The following RPTOR variants were observed in gnomAD, a reference collection of about 807,000 sequenced individuals.
RPTOR encodes regulatory associated protein of MTOR complex 1, also known as regulatory-associated protein of mTOR.
Under a neutral mutation model 169.9 loss-of-function variants are expected in RPTOR, and 21 were observed. The ratio of observed to expected loss-of-function variants is 0.12; its 90% CI spans 0.09 to 0.18. RPTOR has a LOEUF of 0.18. RPTOR is among the 10% of genes least tolerant of loss of function. RPTOR has a pLI of 1.00. For synonymous variants in RPTOR, 732 were observed against 753.2 expected, an observed-to-expected ratio of 0.97 and a Z score of 0.46; for missense variants, 1,133 against 1,855.9, an observed-to-expected ratio of 0.61 and a Z score of 7.16.
intron 1 of RPTOR, among the ~76,000 whole-genome samples, chr17:80,589,322 G>T (rs752029683): frequency 6.6e-6 from 1 of 152,004 alleles, no homozygotes; most frequent in South Asian, 2.1e-4. Flanking sequence ...GCTGTTCCGG[G>T]GGTACTTCTC....
chr17:80,759,651 T>C (rs2066714887), intron 6 of RPTOR, among the ~76,000 whole-genome samples: 1 of 152,170 alleles, frequency 6.6e-6, no homozygotes, highest in South Asian at 2.1e-4. Context: ...TGTGTAGTTT[T>C]GTGTGAGCTA....
chr17:80,790,610 C>A (rs2067037837), intron 6 of RPTOR, among the ~76,000 whole-genome samples: 1 of 152,188 alleles, frequency 6.6e-6, no homozygotes, highest in Non-Finnish European at 1.5e-5. Context: ...GCACTGCACC[C>A]TCCCCTGGGC....
At chr17:80,923,723 T>A (rs2068775665) in intron 23 of RPTOR, 50 bp downstream of exon 23, 1 of 1,495,688 alleles carries the variant, frequency 6.7e-7, no homozygotes. Context: ...GCGTTGCTTC[T>A]CAGATGGGGG....
chr17:80,621,896 A>T (rs901063), intron 1 of RPTOR, among the ~76,000 whole-genome samples: 11,828 of 152,274 alleles, frequency 0.078, 568 homozygotes, highest in Middle Eastern at 0.12. Flanking sequence ...ATAAACGGGG[A>T]GAAAGCACTG....
intron 6 of RPTOR, among the ~76,000 whole-genome samples, chr17:80,771,243 G>T (rs2066840212): frequency 6.6e-6 from 1 of 152,244 alleles, no homozygotes; most frequent in South Asian, 2.1e-4. Context: ...TCCTCTTGAC[G>T]TACTTCTGCC....
At position 80,695,333 on chromosome 17, in the gene RPTOR, G is replaced by A. The variant is rs538612691; in HGVS notation, c.349-12508G>A. Among the ~76,000 whole-genome samples the A allele has an allele frequency of 1.4e-3, 212 of 152,338 alleles. 2 individuals carry two copies. The Middle Eastern group carries it at 0.024, about 17-fold the overall frequency. ...CGTTAGTTTAGTTGTTTGTGGAGGA[G>A]AAAATTGAGGTTTGGTTTTGTTCAT... On this transcript the variant is annotated intron_variant, in intron 3 of 33. Transcript: ENST00000306801. The surrounding 1 kb of genome is among the most constrained non-coding windows in gnomAD (Gnocchi z 4.9).
At chr17:80,556,314 C>T (rs1349763895) in intron 1 of RPTOR, among the ~76,000 whole-genome samples, 1 of 152,122 alleles carries the variant, frequency 6.6e-6, no homozygotes, top group Non-Finnish European at 1.5e-5. Flanking sequence ...GAATTTGAGA[C>T]CAACCTAAGC....
chr17:80,883,324 G>C, intron 14 of RPTOR, 95 bp from the exon 15 acceptor site: 1 of 1,071,806 alleles, frequency 9.3e-7, no homozygotes, highest in African/African-American at 1.5e-5. Flanking sequence ...TGCGCCACGC[G>C]TGTCATGAAG....
chr17:80,952,855 C>CTTTTTTTTTTT (rs139746545), intron 28 of RPTOR, among the ~76,000 whole-genome samples: 1 of 98,082 alleles, frequency 1.0e-5, no homozygotes, highest in African/African-American at 5.0e-5. Context: ...TTCTTTTCTT[C>CTTTTTTTTTTT]TTTTTTTTTT....
chr17:80,599,013 G>C (rs1047318327), intron 1 of RPTOR, among the ~76,000 whole-genome samples: 6 of 151,964 alleles, frequency 3.9e-5, no homozygotes, highest in African/African-American at 1.5e-4. Flanking sequence ...AGCTCATGCA[G>C]TCCTCCCACC....
chr17:80,684,303 A>G lies in RPTOR; in HGVS notation c.349-23538A>G, dbSNP rs145856655. Among the ~76,000 whole-genome samples the G allele has an allele frequency of 3.1e-3, 464 of 151,684 alleles. 3 individuals carry two copies. The highest frequency in any genetic ancestry group is 0.011 in the African/African-American group (447 of 41,410). On this transcript the variant is annotated intron_variant, in intron 3 of 33. Coordinates refer to ENST00000306801, the MANE Select transcript of RPTOR (RefSeq NM_020761.3). The stretch of plus-strand genomic sequence containing the variant: ...CTGCAAGTCAAAACTGTATAAAGCT[A>G]GAGTCATGTCATCTCCCCAATCCTG...
intron 4 of RPTOR, among the ~76,000 whole-genome samples, chr17:80,715,611 T>C (rs1004529006): frequency 2.0e-5 from 3 of 152,064 alleles, no homozygotes; most frequent in African/African-American, 7.2e-5. Context: ...TTTTTTATTT[T>C]TCCATAGGTT....
intron 5 of RPTOR, among the ~76,000 whole-genome samples, chr17:80,745,857 G>T (rs574973759): frequency 6.6e-6 from 1 of 152,176 alleles, no homozygotes; most frequent in East Asian, 1.9e-4. Context: ...GCCCAGTGTT[G>T]ACGTTTTATT....
intron 20 of RPTOR, among the ~76,000 whole-genome samples, chr17:80,901,187 G>A (rs536756701): frequency 2.2e-4 from 33 of 152,198 alleles, no homozygotes; most frequent in Non-Finnish European, 4.0e-4. Context: ...TACTGGTCTC[G>A]GTGGAGTACA....
chr17:80,604,281 C>G (rs1437996328), intron 1 of RPTOR, among the ~76,000 whole-genome samples: 1 of 152,188 alleles, frequency 6.6e-6, no homozygotes, highest in Non-Finnish European at 1.5e-5. Flanking sequence ...TGGATAGAAA[C>G]AGAACTTTTC....
chr17:80,964,209 C>CCCCCGGG, intron 33 of RPTOR, 53 bp from the exon 34 acceptor site: 6 of 1,325,544 alleles, frequency 4.5e-6, no homozygotes, highest in Non-Finnish European at 6.5e-6. Flanking sequence ...CCCCGCCCCC[C>CCCCCGGG]GCAGTGTCTG....
chr17:80,725,948 T>G (rs1371751475), intron 4 of RPTOR, among the ~76,000 whole-genome samples: 1 of 152,218 alleles, frequency 6.6e-6, no homozygotes, highest in Non-Finnish European at 1.5e-5. Context: ...CAGGGGACAC[T>G]GGGACATTTG....
At chr17:80,789,251 A>G (rs1264709511) in intron 6 of RPTOR, among the ~76,000 whole-genome samples, 1 of 152,072 alleles carries the variant, frequency 6.6e-6, no homozygotes, top group Admixed American at 6.5e-5. Context: ...TCTGTTGTGG[A>G]TGAGGCATTG....
chr17:80,883,811 A>G lies in RPTOR; in HGVS notation c.1681A>G (p.Ile561Val), dbSNP rs943518678. Residue 561 changes from isoleucine to valine, a missense_variant, in exon 16 of 34, where the codon ATC becomes GTC. By Grantham distance (29) the Ile-to-Val change is conservative (BLOSUM62 3). Coordinates refer to ENST00000306801, the MANE Select transcript of RPTOR (RefSeq NM_020761.3). The stretch of plus-strand genomic sequence containing the variant: ...CTGCCTTCAGGGAAACCTCATTGCC[A>G]TCTGCCTGGAGCAGCTCAACGACCC... ...EACLQGNLIA[I>V]CLEQLNDPHP... 13 of 1,613,708 alleles carry G rather than the reference A, an allele frequency of 8.1e-6. No individual in the cohort carries two copies. The highest frequency in any genetic ancestry group is 1.1e-5 in the Non-Finnish European group (13 of 1,180,022).
Sources: allele counts gnomAD v4.1 joint callset (sites outside exome capture counted in the v4.1 genomes callset), GRCh38; gene constraint gnomAD v4.1.1; non-coding constraint Gnocchi (gnomAD v3.1); transcripts MANE v1.5; gene names NCBI Gene and HGNC (gene_info 2026-07-23, HGNC 2026-07-21).